The following AFMID variants were observed in gnomAD, a reference collection of about 807,000 sequenced individuals.
AFMID encodes kynurenine formamidase.
AFMID carries 39 observed loss-of-function variants against 47.5 expected under a neutral mutation model. The observed-to-expected ratio is 0.82, with a 90% CI of 0.64 to 1.07. The LOEUF is 1.07. Among genes scored for constraint, AFMID ranks in the 50% least tolerant of loss-of-function variants. The pLI, the probability that AFMID is intolerant of heterozygous loss-of-function variation, is 0.00. For missense variants in AFMID, 375 were observed against 387.5 expected, an observed-to-expected ratio of 0.97 and a Z score of 0.27; for synonymous variants, 130 against 153.2, an observed-to-expected ratio of 0.85 and a Z score of 1.12.
chr17:78,203,118 T>C (rs183709941), intron 4 of AFMID: 37 of 195,340 alleles, frequency 1.9e-4, no homozygotes, highest in African/African-American at 9.2e-4. Flanking sequence ...TGGAACGCAG[T>C]GGTGCGACCT....
chr17:78,201,887 C>T (rs1055413438), intron 2 of AFMID, among the ~76,000 whole-genome samples: 14 of 151,828 alleles, frequency 9.2e-5, no homozygotes, highest in South Asian at 4.2e-4. Context: ...CCTGCCACCA[C>T]GCCTGGCTAA....
intron 2 of AFMID, among the ~76,000 whole-genome samples, chr17:78,199,807 C>G (rs1232408038): frequency 6.6e-6 from 1 of 152,154 alleles, no homozygotes; most frequent in African/African-American, 2.4e-5. Context: ...AACTGGATTC[C>G]ACCTCTTTTG....
At chr17:78,201,861 G>C (rs936682565) in intron 2 of AFMID, among the ~76,000 whole-genome samples, 3 of 151,750 alleles carry the variant, frequency 2.0e-5, no homozygotes, top group African/African-American at 7.2e-5. Context: ...CTCCTGAGTA[G>C]CTGGGACTAC....
chr17:78,205,881 C>A, intron 9 of AFMID, 65 bp from the exon 10 acceptor site: 1 of 1,590,018 alleles, frequency 6.3e-7, no homozygotes, highest in African/African-American at 1.3e-5. Flanking sequence ...CAGGCATGGC[C>A]CCATGTCCTG....
At chr17:78,205,328 C>T in intron 7 of AFMID, 112 bp from the exon 8 acceptor site, 2 of 1,439,432 alleles carry the variant, frequency 1.4e-6, no homozygotes, top group Non-Finnish European at 1.9e-6. Flanking sequence ...AAGGCCTTCT[C>T]TGCCTCCTCT....
intron 4 of AFMID, among the ~76,000 whole-genome samples, chr17:78,204,231 A>T (rs969017309): frequency 2.0e-5 from 3 of 152,016 alleles, no homozygotes; most frequent in Non-Finnish European, 4.4e-5. Flanking sequence ...AGGCAGGAGG[A>T]TTGAGTTAGA....
chr17:78,190,194 TA>T (rs1225276727), intron 1 of AFMID, among the ~76,000 whole-genome samples: 1 of 151,824 alleles, frequency 6.6e-6, no homozygotes, highest in Non-Finnish European at 1.5e-5. Flanking sequence ...ACTTTCTGCA[TA>T]AAGTGTGAAG....
rs549519059 is a variant in AFMID, at chr17:78,201,841, C to T, written c.155-658C>T. ...CACCTCCCGGATTCACGCCATTCTCCTGCCTCAGCCTCCTGAGTAGCTGGG... is the reference window on the plus strand; with the variant it reads ...CACCTCCCGGATTCACGCCATTCTCTTGCCTCAGCCTCCTGAGTAGCTGGG... On this transcript the variant is annotated intron_variant, in intron 2 of 10. Transcript: ENST00000409257. 5.7e-4 allele frequency among the ~76,000 whole-genome samples: 86 copies of T among 152,008 alleles called. 1 individual carries two copies. In the South Asian group the frequency reaches 0.017, roughly 31 times the overall value.
intron 2 of AFMID, among the ~76,000 whole-genome samples, chr17:78,201,130 G>A (rs1026292910): frequency 6.6e-6 from 1 of 151,442 alleles, no homozygotes; most frequent in African/African-American, 2.4e-5. Flanking sequence ...CCGAGTAGCC[G>A]GAATTATAGG....
In AFMID at chr17:78,204,732, G is replaced by GC. The variant is rs764095074; in HGVS notation, c.390dup (p.Lys131GlnfsTer68). The GC allele has an allele frequency of 3.1e-6, 5 of 1,614,154 alleles. No homozygotes were observed. In the East Asian group the frequency reaches 1.1e-4, roughly 36 times the overall value. The stretch of plus-strand genomic sequence containing the variant: ...CGTGGTAATAGTGGCTTACGGCATC[G>GC]CCCCCAAAGGTAATAGGAGTGGTTG... On this transcript the variant is annotated frameshift_variant, in exon 5 of 11. Transcript: ENST00000409257. LOFTEE classifies it high-confidence loss of function.
intron 2 of AFMID, among the ~76,000 whole-genome samples, chr17:78,198,335 G>A (rs941329589): frequency 1.3e-5 from 2 of 151,524 alleles, no homozygotes; most frequent in East Asian, 1.9e-4. Flanking sequence ...GCACTGGCTC[G>A]CACCTGTAAT....
Sources: gnomAD v4.1 joint callset for allele counts (sites outside exome capture counted in the v4.1 genomes callset) on GRCh38, gnomAD v4.1.1 for gene constraint, MANE v1.5 for transcripts, NCBI Gene and HGNC (gene_info 2026-07-23, HGNC 2026-07-21) for gene names.